KCNQ1: variants seen among roughly 807,000 people sequenced by gnomAD.
KCNQ1 encodes potassium voltage-gated channel subfamily Q member 1, also known as potassium voltage-gated channel subfamily KQT member 1.
KCNQ1 carries 49 observed loss-of-function variants against 72.4 expected under a neutral mutation model. The ratio of observed to expected loss-of-function variants is 0.68; its 90% confidence interval spans 0.54 to 0.86. The LOEUF (loss-of-function observed/expected upper bound fraction) is 0.86. Ranked by LOEUF, KCNQ1 falls within the 40% of genes least tolerant of loss-of-function variation. KCNQ1 has a pLI of 0.00. For missense variants in KCNQ1, 790 were observed against 945.1 expected (o/e 0.84, Z 2.15); for synonymous variants, 450 against 412.6 (o/e 1.09, Z -1.10).
chr11:2,766,843 T>G lies in KCNQ1; in HGVS notation c.1515-2001T>G, dbSNP rs1590075475. Among the ~76,000 whole-genome samples the G allele has an allele frequency of 4.6e-5, 7 of 152,342 alleles. 1 individual carries two copies. The highest frequency in any genetic ancestry group is 4.6e-4 in the Admixed American group (7 of 15,310). ...AGTCCTTATTTCTGTATCAGTTACC[T>G]ATTGTTGCGTAGCAAACTAGACCTA... On this transcript the variant is annotated intron_variant, in intron 11 of 15. Coordinates refer to ENST00000155840, the MANE Select transcript of KCNQ1 (RefSeq NM_000218.3). The surrounding 1 kb of genome is among the most constrained non-coding windows in gnomAD (Gnocchi z 4.4).
chr11:2,803,497 A>T lies in KCNQ1; in HGVS notation c.1794+25460A>T, dbSNP rs1169554244. Among the ~76,000 whole-genome samples the T allele has an allele frequency of 1.3e-5, 2 of 152,156 alleles. No individual in the cohort carries two copies. Among genetic ancestry groups the T allele is most frequent in the Admixed American group, 6.5e-5 (1 of 15,282 alleles). On this transcript the variant is annotated intron_variant, in intron 15 of 15. Coordinates refer to ENST00000155840, the MANE Select transcript of KCNQ1 (RefSeq NM_000218.3). This position sits in a 1 kb window ranked among gnomAD's most constrained non-coding sequence, Gnocchi z 6.4. ...GTACCCAGGTGGTGTGATGGGGAGC[A>T]GGAGCCAGTTGTTCCCAAACCTCGC...
chr11:2,619,024 A>G (rs1222865974), intron 10 of KCNQ1: 1 of 398,258 alleles, frequency 2.5e-6, no homozygotes, highest in Non-Finnish European at 4.4e-6. Flanking sequence ...TATTGATTTT[A>G]TATCCTACAA....
In KCNQ1 at chr11:2,703,982, G is replaced by C. The variant is rs918516077; in HGVS notation, c.1514+41901G>C. On this transcript the variant is annotated intron_variant, in intron 11 of 15. Coordinates refer to ENST00000155840, the MANE Select transcript of KCNQ1 (RefSeq NM_000218.3). This position sits in a 1 kb window ranked among gnomAD's most constrained non-coding sequence, Gnocchi z 6.4. ...GGAGTGGACAGGAACGTGGGGGAGT[G>C]GGGGTGGTTAGGACCTCAGGGTTAT... 6.6e-5 allele frequency among the ~76,000 whole-genome samples: 10 copies of C among 152,244 alleles called. 1 individual carries two copies. Among genetic ancestry groups the C allele is most frequent in the Admixed American group, 6.5e-5 (1 of 15,290 alleles).
At chr11:2,770,795 C>T (rs1292178231) in intron 12 of KCNQ1, among the ~76,000 whole-genome samples, 6 of 152,244 alleles carry the variant, frequency 3.9e-5, no homozygotes, top group African/African-American at 1.4e-4. Context: ...GCATGGAGGG[C>T]CTTGCTGGAG....
intron 10 of KCNQ1, chr11:2,610,068 G>A: frequency 2.5e-6 from 1 of 397,604 alleles, no homozygotes; most frequent in Non-Finnish European, 4.4e-6. Context: ...TCTTTTCTAT[G>A]TACTATTTCT....
At chr11:2,774,830 G>T (rs535985162) in intron 12 of KCNQ1, among the ~76,000 whole-genome samples, 1 of 152,136 alleles carries the variant, frequency 6.6e-6, no homozygotes, top group South Asian at 2.1e-4. Context: ...GGCAGGGAGG[G>T]CATGTTCCCA....
rs138144245 is a variant in KCNQ1, at chr11:2,587,196, C to T, written c.1129-374C>T. 7.5e-3 allele frequency among the ~76,000 whole-genome samples: 1,136 copies of T among 152,302 alleles called. 33 individuals are homozygous for T. The highest frequency in any genetic ancestry group is 0.059 in the Admixed American group (896 of 15,300). On this transcript the variant is annotated intron_variant, in intron 8 of 15. Coordinates refer to ENST00000155840, the MANE Select transcript of KCNQ1 (RefSeq NM_000218.3). ...TGTGTGGCCACTGGTTGCCCATTTC[C>T]GCATTGGTCTCCTATGCACGCTGTG...
chr11:2,616,389 C>T (rs1849064639), intron 10 of KCNQ1: 4 of 397,728 alleles, frequency 1.0e-5, no homozygotes, highest in Admixed American at 4.4e-5. Flanking sequence ...AGCTCGAATT[C>T]AGTTTTATCT....
Position 2,645,263 on chromosome 11 carries a change from C to A in KCNQ1, c.1394-16698C>A. On this transcript the variant is annotated intron_variant, in intron 10 of 15. Coordinates refer to ENST00000155840, the MANE Select transcript of KCNQ1 (RefSeq NM_000218.3). The surrounding 1 kb of genome is among the most constrained non-coding windows in gnomAD (Gnocchi z 5.8). Reference sequence around the variant, plus strand: ...GAATGCCAGTTGTGGTGGTAATGGTCAGTTGGGTAGGGCAGTCCTCAAGCC... The same window carrying A: ...GAATGCCAGTTGTGGTGGTAATGGTAAGTTGGGTAGGGCAGTCCTCAAGCC... 2.5e-6 allele frequency: 1 copy of A among 398,606 alleles called. No homozygotes were observed. Among genetic ancestry groups the A allele is most frequent in the South Asian group, 1.3e-4 (1 of 7,826 alleles). The allele number at this position is 398,606 out of a possible 1,614,324, so 24.7% of individuals were successfully genotyped here. A position where few individuals can be genotyped will look rare whatever the true frequency, so the allele number is the denominator to read the frequency against.
rs1184210553 is a variant in KCNQ1 at position 2,712,814 on chromosome 11, G to A, written c.1514+50733G>A. On this transcript the variant is annotated intron_variant, in intron 11 of 15. Coordinates refer to ENST00000155840, the MANE Select transcript of KCNQ1 (RefSeq NM_000218.3). This position sits in a 1 kb window ranked among gnomAD's most constrained non-coding sequence, Gnocchi z 6.4. ...CTCCCTCACAGCCTCTGGGTTGGGA[G>A]CACACATGGCATCTCCTAGAGAGTT... Among the ~76,000 whole-genome samples the A allele has an allele frequency of 3.3e-5, 5 of 152,332 alleles. No individual in the cohort carries two copies. The highest frequency in any genetic ancestry group is 4.1e-4 in the South Asian group (2 of 4,830).
At chr11:2,714,658 A>G (rs1333909770) in intron 11 of KCNQ1, among the ~76,000 whole-genome samples, 1 of 152,174 alleles carries the variant, frequency 6.6e-6, no homozygotes, top group Non-Finnish European at 1.5e-5. Flanking sequence ...GGTGGCGGAC[A>G]TAGCACCTGC....
rs1361806876 is a variant in KCNQ1, at chr11:2,661,378, A to C, written c.1394-583A>C. ...TGCAGAGGTGGGCCCAGGAATCATA[A>C]TGTGAAGCCAGCTGTTGGAGGGACT... On this transcript the variant is annotated intron_variant, in intron 10 of 15. Transcript: ENST00000155840. This position sits in a 1 kb window ranked among gnomAD's most constrained non-coding sequence, Gnocchi z 5.9. The C allele has an allele frequency of 7.4e-6, 3 of 407,732 alleles. No individual in the cohort carries two copies. Among genetic ancestry groups the C allele is most frequent in the Non-Finnish European group, 1.3e-5 (3 of 231,018 alleles). The allele number at this position is 407,732 out of a possible 1,614,324, so 25.3% of individuals were successfully genotyped here.
chr11:2,539,629 G>A (rs1847791654), intron 2 of KCNQ1, among the ~76,000 whole-genome samples: 1 of 152,192 alleles, frequency 6.6e-6, no homozygotes, highest in Admixed American at 6.5e-5. Flanking sequence ...GGTGAAGGGC[G>A]GCCGCGGCTT....
intron 11 of KCNQ1, among the ~76,000 whole-genome samples, chr11:2,730,295 A>G (rs768039656): frequency 9.9e-5 from 15 of 152,214 alleles, no homozygotes; most frequent in Non-Finnish European, 1.6e-4. Flanking sequence ...GGCTGCTGTA[A>G]TGAATTCCCA....
chr11:2,693,361 C>G (rs149414092), intron 11 of KCNQ1: 3 of 398,608 alleles, frequency 7.5e-6, no homozygotes, highest in East Asian at 7.1e-5. Flanking sequence ...GGGTGGGGGC[C>G]GAGTCTGGCC....
chr11:2,612,507 T>C lies in KCNQ1; in HGVS notation c.1393+23653T>C, dbSNP rs1016859802. The C allele has an allele frequency of 5.0e-6, 2 of 398,526 alleles. No homozygotes were observed. The highest frequency in any genetic ancestry group is 4.1e-5 in the African/African-American group (2 of 48,636). 24.7% of individuals were successfully genotyped at this position (398,526 alleles called of 1,614,324 possible). ...GTTGAAGTTCATTGATTCTTTCTTC[T>C]GCCAGGTCAAATTTGCTTAGCCGCA... On this transcript the variant is annotated intron_variant, in intron 10 of 15. Coordinates refer to ENST00000155840, the MANE Select transcript of KCNQ1 (RefSeq NM_000218.3). This position sits in a 1 kb window ranked among gnomAD's most constrained non-coding sequence, Gnocchi z 5.5.
At chr11:2,545,627 A>T (rs974207090) in intron 2 of KCNQ1, among the ~76,000 whole-genome samples, 4 of 152,158 alleles carry the variant, frequency 2.6e-5, no homozygotes, top group Admixed American at 2.0e-4. Context: ...TGATAATTAT[A>T]TTCAGGTGAT....
intron 10 of KCNQ1, among the ~76,000 whole-genome samples, chr11:2,604,489 G>T (rs1848851824): frequency 6.6e-6 from 1 of 151,494 alleles, no homozygotes; most frequent in Admixed American, 6.6e-5. Context: ...AAAACAAAAA[G>T]AAAGGAAGAA....
In KCNQ1 at chr11:2,828,340, T is replaced by C. The variant is rs1847880693; in HGVS notation, c.1795-19427T>C. 6.6e-6 allele frequency among the ~76,000 whole-genome samples: 1 copy of C among 152,204 alleles called. No homozygotes were observed. The highest frequency in any genetic ancestry group is 1.5e-5 in the Non-Finnish European group (1 of 68,028). On this transcript the variant is annotated intron_variant, in intron 15 of 15. Coordinates refer to ENST00000155840, the MANE Select transcript of KCNQ1 (RefSeq NM_000218.3). This position sits in a 1 kb window ranked among gnomAD's most constrained non-coding sequence, Gnocchi z 5.3. ...TGGGTAAACACATGTCTATTTCAGC[T>C]TCTTTGAATCCCACTAAGGTGACAG...
Sources: allele counts gnomAD v4.1 joint callset (sites outside exome capture counted in the v4.1 genomes callset), GRCh38; gene constraint gnomAD v4.1.1; non-coding constraint Gnocchi (gnomAD v3.1); transcripts MANE v1.5; gene names NCBI Gene and HGNC (gene_info 2026-07-23, HGNC 2026-07-21).